The following SCML4 variants were observed in gnomAD, a reference collection of about 807,000 sequenced individuals.
SCML4 encodes Scm polycomb group protein like 4.
SCML4 carries 34 observed loss-of-function variants against 41.1 expected under a neutral mutation model. The observed-to-expected ratio is 0.83, with a 90% CI of 0.63 to 1.10. SCML4 has a LOEUF of 1.10. SCML4 is among the 50% of genes least tolerant of loss of function. The pLI is 0.00. For missense variants in SCML4, 522 were observed against 534.1 expected, an observed-to-expected ratio of 0.98 and a Z score of 0.22; for synonymous variants, 214 against 220.9, an observed-to-expected ratio of 0.97 and a Z score of 0.28.
chr6:107,706,126 C>A (rs1562159765), intron 7 of SCML4, among the ~76,000 whole-genome samples: 1 of 152,166 alleles, frequency 6.6e-6, no homozygotes, highest in African/African-American at 2.4e-5. Flanking sequence ...GGGTCACCAG[C>A]TCTCTCATTC....
At chr6:107,721,664 C>T (rs1775431805) in intron 5 of SCML4, among the ~76,000 whole-genome samples, 1 of 152,204 alleles carries the variant, frequency 6.6e-6, no homozygotes, top group Admixed American at 6.5e-5. Context: ...TCACCTGGCT[C>T]AGGACTCCTG....
the SCML4 span, among the ~76,000 whole-genome samples, chr6:107,840,006 G>A: frequency 3.3e-5 from 5 of 152,050 alleles, no homozygotes; most frequent in Non-Finnish European, 7.4e-5. Context: ...GAATTTGACT[G>A]CTTTTTACTC....
chr6:107,753,754 T>C (rs1340118533), intron 2 of SCML4, among the ~76,000 whole-genome samples: 1 of 152,158 alleles, frequency 6.6e-6, no homozygotes, highest in Admixed American at 6.5e-5. Flanking sequence ...AAAAATTGAT[T>C]GTACAGAAGA....
At chr6:107,739,079 ACTG>A (rs1216726360) in intron 5 of SCML4, among the ~76,000 whole-genome samples, 2 of 152,148 alleles carry the variant, frequency 1.3e-5, no homozygotes, top group African/African-American at 2.4e-5. Context: ...TGGTTATTTA[ACTG>A]CTAAGTTCTC....
Position 107,749,697 on chromosome 6 carries a change from TG to T in SCML4, c.272del (p.Pro91HisfsTer89). ...DAATVPSLAA[P>X]QALTVCLYIN... ...CTGCTGACCTACCTGTGAGAGCCTG[TG>T]GGGCCGCCAAGCTGGGGACCGTGGC... On this transcript the variant is annotated frameshift_variant, in exon 3 of 8. Coordinates refer to ENST00000369020, the MANE Select transcript of SCML4 (RefSeq NM_198081.5). LOFTEE classifies it high-confidence loss of function. 1 of 1,613,936 alleles carries T rather than the reference TG, an allele frequency of 6.2e-7. No homozygotes were observed. Among genetic ancestry groups the T allele is most frequent in the Non-Finnish European group, 8.5e-7 (1 of 1,179,998 alleles).
intron 1 of SCML4, among the ~76,000 whole-genome samples, chr6:107,807,735 G>A (rs896916072): frequency 3.3e-5 from 5 of 152,140 alleles, no homozygotes; most frequent in Non-Finnish European, 4.4e-5. Context: ...CCATTTCCCC[G>A]CAGAGCACAT....
At chr6:107,725,686 ATGTT>A (rs1775887693) in intron 5 of SCML4, among the ~76,000 whole-genome samples, 1 of 152,252 alleles carries the variant, frequency 6.6e-6, no homozygotes, top group Non-Finnish European at 1.5e-5. Context: ...TATGGGGTAA[ATGTT>A]TGTGACCTTG....
chr6:107,798,873 A>G (rs902367632), intron 1 of SCML4, among the ~76,000 whole-genome samples: 2 of 152,048 alleles, frequency 1.3e-5, no homozygotes, highest in Admixed American at 6.5e-5. Context: ...ATTTGGTAGT[A>G]TGTTTTAATT....
At chr6:107,747,889 A>C (rs897622250) in intron 3 of SCML4, among the ~76,000 whole-genome samples, 1 of 152,178 alleles carries the variant, frequency 6.6e-6, no homozygotes, top group Admixed American at 6.5e-5. Flanking sequence ...ACAATGAATA[A>C]ATTCCAACCC....
intron 6 of SCML4, chr6:107,720,030 GC>G (rs1301008163): frequency 1.0e-6 from 1 of 985,346 alleles, no homozygotes; most frequent in Non-Finnish European, 1.2e-6. Flanking sequence ...GACAGAAGTG[GC>G]ATTACAACCA....
intron 5 of SCML4, 93 bp from the exon 6 acceptor site, chr6:107,721,086 A>G (rs1775361997): frequency 1.4e-6 from 2 of 1,444,810 alleles, no homozygotes; most frequent in African/African-American, 2.8e-5. Flanking sequence ...CCCTGCCAAC[A>G]CAGTAGCCAG....
At chr6:107,813,616 AC>A (rs1372470947) in intron 1 of SCML4, among the ~76,000 whole-genome samples, 10 of 151,844 alleles carry the variant, frequency 6.6e-5, no homozygotes, top group Non-Finnish European at 1.5e-4. Flanking sequence ...ATCTTTGGCT[AC>A]TTTTTCGGGA....
intron 2 of SCML4, among the ~76,000 whole-genome samples, chr6:107,750,722 A>G (rs920969126): frequency 6.6e-6 from 1 of 152,072 alleles, no homozygotes; most frequent in African/African-American, 2.4e-5. Flanking sequence ...AAGCTTTTCA[A>G]TTTTTGCAAT....
At chr6:107,815,319 A>C (rs1463526247) in intron 1 of SCML4, among the ~76,000 whole-genome samples, 1 of 152,244 alleles carries the variant, frequency 6.6e-6, no homozygotes, top group Non-Finnish European at 1.5e-5. Flanking sequence ...TGGATGGAGC[A>C]GTCCCACACA....
chr6:107,834,517 G>A, the SCML4 span, among the ~76,000 whole-genome samples: 1 of 152,212 alleles, frequency 6.6e-6, no homozygotes, highest in Non-Finnish European at 1.5e-5. Flanking sequence ...ACACACTGAA[G>A]TGGGGTTCAG....
chr6:107,796,458 T>C (rs904258275), intron 1 of SCML4, among the ~76,000 whole-genome samples: 2 of 152,210 alleles, frequency 1.3e-5, no homozygotes, highest in Admixed American at 1.3e-4. Context: ...GAAATGGCTG[T>C]TCAAGTCTTT....
chr6:107,844,250 G>A, the SCML4 span, among the ~76,000 whole-genome samples: 1 of 152,240 alleles, frequency 6.6e-6, no homozygotes, highest in Non-Finnish European at 1.5e-5. Flanking sequence ...GATATTTGTT[G>A]TGGAGGGAGA....
At chr6:107,773,813 T>G (rs1162557096) in intron 1 of SCML4, among the ~76,000 whole-genome samples, 1 of 152,032 alleles carries the variant, frequency 6.6e-6, no homozygotes, top group African/African-American at 2.4e-5. Context: ...TACCTTACAG[T>G]GGAAATGAGA....
chr6:107,716,959 C>A (rs1774870206), intron 6 of SCML4, among the ~76,000 whole-genome samples: 2 of 151,932 alleles, frequency 1.3e-5, no homozygotes, highest in African/African-American at 4.8e-5. Flanking sequence ...CTGGCTGTTT[C>A]TGGTACCTGC....
Sources: gnomAD v4.1 joint callset for allele counts (sites outside exome capture counted in the v4.1 genomes callset) on GRCh38, gnomAD v4.1.1 for gene constraint, MANE v1.5 for transcripts, NCBI Gene and HGNC (gene_info 2026-07-23, HGNC 2026-07-21) for gene names.